The following FOXL2 variants were observed in gnomAD, a reference collection of about 807,000 sequenced individuals.
FOXL2 encodes the protein forkhead box L2, also known as forkhead box protein L2.
Under a neutral mutation model 2.5 loss-of-function variants are expected in FOXL2, and 3 were observed. The observed-to-expected ratio is 1.20, with a 90% confidence interval of 0.55 to 3.11. FOXL2 has a LOEUF of 3.11. FOXL2 is among the 30% of genes most tolerant of loss of function. The probability of loss-of-function intolerance (pLI) is 0.03; values close to 1 mark genes in which losing one functional copy is unlikely to be tolerated. For missense variants in FOXL2, 512 were observed against 570.0 expected (o/e 0.90, Z 1.04); for synonymous variants, 315 against 269.4 (o/e 1.17, Z -1.66).
chr3:138,947,076 C>T lies in FOXL2; in HGVS notation c.-354G>A. ...GCCCCCCGGTTTCCCGAAGCACGAC[C>T]CGCGTCTCTGGCGGAGCTGCCTCCT... On this transcript the variant is annotated 5_prime_UTR_variant, in exon 1 of 1. Transcript: ENST00000648323. The surrounding 1 kb of genome is among the most constrained non-coding windows in gnomAD (Gnocchi z 5.2). 2.5e-6 allele frequency: 1 copy of T among 403,932 alleles called. No homozygotes were observed. Among genetic ancestry groups the T allele is most frequent in the Non-Finnish European group, 4.4e-6 (1 of 224,978 alleles). The allele number at this position is 403,932 out of a possible 1,614,324, so 25.0% of individuals were successfully genotyped here.
rs201782101 is a variant in FOXL2, at chr3:138,944,801, A to AT, written c.*790dup. On this transcript the variant is annotated 3_prime_UTR_variant, in exon 1 of 1. Transcript: ENST00000648323. The stretch of plus-strand genomic sequence containing the variant: ...CAATACTTCCCCGGTTGCCCGGTGA[A>AT]TTTTTTTTCCTTTTTTTTTTTTTAA... The AT allele has an allele frequency of 2.4e-3, 542 of 229,914 alleles. 4 individuals are homozygous for AT. Among genetic ancestry groups the AT allele is most frequent in the African/African-American group, 0.012 (513 of 43,950 alleles). The allele number at this position is 229,914 out of a possible 1,614,324, so 14.2% of individuals were successfully genotyped here. A position where few individuals can be genotyped will look rare whatever the true frequency, so the allele number is the denominator to read the frequency against.
chr3:138,945,670 G>C lies in FOXL2; in HGVS notation c.1053C>G (p.Pro351=). Residue 351 remains proline (P), a synonymous_variant, in exon 1 of 1, where the codon CCC becomes CCG. Transcript: ENST00000648323. ...PGLQFACARQ[P]ELAMMHCSYW... ...AAGAGCAATGCATCATGGCGAGCTC[G>C]GGCTGCCGGGCACAAGCGAACTGCA... The C allele has an allele frequency of 3.1e-6, 5 of 1,588,450 alleles. No individual in the cohort carries two copies. Among genetic ancestry groups the C allele is most frequent in the Non-Finnish European group, 4.3e-6 (5 of 1,163,978 alleles).
Position 138,946,201 on chromosome 3 carries a change from G to A in FOXL2, c.522C>T (p.Gly174=), listed in dbSNP as rs560949046. ...KGLFGAGGAA[G]GCGVAGAGAD... is the part of the protein sequence containing the mutation. ...CCCCGGCGCCCGCCACGCCGCACCC[G>A]CCTGCGGCGCCTCCGGCCCCGAAGA... The change falls in exon 1 of 1, where the codon GGC becomes GGT. Residue 174 remains glycine (G), a synonymous_variant. Transcript: ENST00000648323. 1.3e-3 allele frequency: 1,902 copies of A among 1,507,568 alleles called. 28 individuals carry two copies. In the African/African-American group the frequency reaches 0.025, roughly 20 times the overall value. 93.4% of individuals were successfully genotyped at this position (1,507,568 alleles called of 1,614,324 possible). A position where few individuals can be genotyped will look rare whatever the true frequency, so the allele number is the denominator to read the frequency against.
chr3:138,944,681 C>A lies in FOXL2; in HGVS notation c.*911G>T. ...ACTCTGAACACAGCTTTTTGAAGGC[C>A]CAACAAAAACTCTAACGCAAATCTT... On this transcript the variant is annotated 3_prime_UTR_variant, in exon 1 of 1. Coordinates refer to ENST00000648323, the MANE Select transcript of FOXL2 (RefSeq NM_023067.4). 1 of 233,222 alleles carries A rather than the reference C, an allele frequency of 4.3e-6. No homozygotes were observed. The highest frequency in any genetic ancestry group is 8.5e-6 in the Non-Finnish European group (1 of 118,000). The allele number at this position is 233,222 out of a possible 1,614,324, so 14.4% of individuals were successfully genotyped here. A position where few individuals can be genotyped will look rare whatever the true frequency, so the allele number is the denominator to read the frequency against.
chr3:138,945,724 C>G lies in FOXL2; in HGVS notation c.999G>C (p.Pro333=). 1 of 1,448,364 alleles carries G rather than the reference C, an allele frequency of 6.9e-7. No homozygotes were observed. Among genetic ancestry groups the G allele is most frequent in the Non-Finnish European group, 9.2e-7 (1 of 1,082,318 alleles). The allele number at this position is 1,448,364 out of a possible 1,614,324, so 89.7% of individuals were successfully genotyped here. Residue 333 remains proline (P), a synonymous_variant, in exon 1 of 1, where the codon CCG becomes CCC. Transcript: ENST00000648323. Reference sequence around the variant, plus strand: ...CCGGCGCACTGGTGGGCGCGGGCGCCGGGGGCGCGGCGGTGGCTGGGCTGG... The same window carrying G: ...CCGGCGCACTGGTGGGCGCGGGCGCGGGGGGCGCGGCGGTGGCTGGGCTGG... ...SPASPATAAP[P]APAPTSAPGL...
chr3:138,946,401 G>T lies in FOXL2; in HGVS notation c.322C>A (p.Leu108Ile). ...GGCACCTTGATGAAGCACTCGTTGA[G>T]GCTGAGGTTGTGGCGGATGCTATTT... ...WQNSIRHNLSLNECFIKVPRE... is the reference protein window; with the variant it reads ...WQNSIRHNLSINECFIKVPRE... Residue 108 changes from leucine (L) to isoleucine (I), a missense_variant, in exon 1 of 1, where the codon CTC becomes ATC. By Grantham distance (5) the Leu-to-Ile change is conservative (BLOSUM62 2). This residue lies in a region of FOXL2 where 63 missense variants were observed against 138.9 expected (regional missense o/e 0.45). Transcript: ENST00000648323. 6.2e-7 allele frequency: 1 copy of T among 1,614,172 alleles called. No homozygotes were observed. Among genetic ancestry groups the T allele is most frequent in the Non-Finnish European group, 8.5e-7 (1 of 1,180,018 alleles).
chr3:138,946,132 A>G lies in FOXL2; in HGVS notation c.591T>C (p.Ser197=). 6.7e-7 allele frequency: 1 copy of G among 1,484,076 alleles called. No individual in the cohort carries two copies. The highest frequency in any genetic ancestry group is 8.9e-7 in the Non-Finnish European group (1 of 1,125,204). The allele number at this position is 1,484,076 out of a possible 1,614,324, so 91.9% of individuals were successfully genotyped here. The change falls in exon 1 of 1, where the codon TCT becomes TCC. Residue 197 remains serine, a synonymous_variant. Coordinates refer to ENST00000648323, the MANE Select transcript of FOXL2 (RefSeq NM_023067.4). ...GYLAPPKYLQ[S]GFLNNSWPLP... is the part of the protein sequence containing the mutation. ...GCGGCCACGAGTTGTTGAGGAAGCC[A>G]GACTGCAGGTACTTGGGGGGCGCCA...
Position 138,946,678 on chromosome 3 carries a change from C to T in FOXL2, c.45G>A (p.Leu15=), listed in dbSNP as rs1326909413. ...YPEPEDAAGA[L]LAPETGRTVK... is the part of the protein sequence containing the mutation. The stretch of plus-strand genomic sequence containing the variant: ...CTGTGCGACCGGTCTCTGGGGCCAG[C>T]AGGGCCCCCGCCGCGTCCTCGGGCT... Residue 15 remains leucine, a synonymous_variant, in exon 1 of 1, where the codon CTG becomes CTA. Coordinates refer to ENST00000648323, the MANE Select transcript of FOXL2 (RefSeq NM_023067.4). The T allele has an allele frequency of 6.4e-7, 1 of 1,567,326 alleles. No individual in the cohort carries two copies. The highest frequency in any genetic ancestry group is 1.4e-5 in the African/African-American group (1 of 73,650).
rs544551456 is a variant in FOXL2 at position 138,944,245 on chromosome 3, T to G, written c.*1347A>C. 2.1e-4 allele frequency: 49 copies of G among 232,266 alleles called. No individual in the cohort carries two copies. In the Admixed American group the frequency reaches 2.1e-3, roughly 10 times the overall value. 14.4% of individuals were successfully genotyped at this position (232,266 alleles called of 1,614,324 possible). On this transcript the variant is annotated 3_prime_UTR_variant, in exon 1 of 1. Transcript: ENST00000648323. ...CGTGTTAAAAGAAGGAACACAAAATTTATTCGGGAATCGACAAGGCAAAAA... is the reference window on the plus strand; with the variant it reads ...CGTGTTAAAAGAAGGAACACAAAATGTATTCGGGAATCGACAAGGCAAAAA...
In FOXL2 at chr3:138,946,439, T is replaced by C. The variant is rs2107744772; in HGVS notation, c.284A>G (p.Lys95Arg). 1 of 1,614,178 alleles carries C rather than the reference T, an allele frequency of 6.2e-7. No homozygotes were observed. The highest frequency in any genetic ancestry group is 8.5e-7 in the Non-Finnish European group (1 of 1,180,006). ...IAKFPFYEKN[K>R]KGWQNSIRHN... ...GCGGATGCTATTTTGCCAGCCCTTC[T>C]TATTCTTCTCGTAGAACGGGAACTT... is the stretch of plus-strand genomic sequence containing the variant. The change falls in exon 1 of 1, where the codon AAG (lysine) becomes AGG (arginine). Residue 95 changes from lysine (K) to arginine (R), a missense_variant. By Grantham distance (26) the Lys-to-Arg change is conservative (BLOSUM62 2). Coordinates refer to ENST00000648323, the MANE Select transcript of FOXL2 (RefSeq NM_023067.4).
In FOXL2 at chr3:138,945,943, G is replaced by A; in HGVS notation, c.780C>T (p.Arg260=). The A allele has an allele frequency of 2.2e-6, 3 of 1,394,454 alleles. No homozygotes were observed. Among genetic ancestry groups the A allele is most frequent in the Non-Finnish European group, 2.8e-6 (3 of 1,084,840 alleles). 86.4% of individuals were successfully genotyped at this position (1,394,454 alleles called of 1,614,324 possible). ...CGGGGGGCAGCGCCATGCTCTGCAC[G>A]CGTGTGTACGGCCCGTACGAGGCGG... The part of the protein sequence containing the change: ...GPAASYGPYT[R]VQSMALPPGV... Residue 260 remains arginine (R), a synonymous_variant, in exon 1 of 1, where the codon CGC becomes CGT. Transcript: ENST00000648323.
rs755652331 is a variant in FOXL2, at chr3:138,946,731, C to G, written c.-9G>C. 2 of 1,560,282 alleles carry G rather than the reference C, an allele frequency of 1.3e-6. No individual in the cohort carries two copies. The highest frequency in any genetic ancestry group is 1.7e-6 in the Non-Finnish European group (2 of 1,153,110). On this transcript the variant is annotated 5_prime_UTR_variant, in exon 1 of 1. Transcript: ENST00000648323. ...GGGTAGCTGGCCATCATGACAAAGC[C>G]GGCGCGCCGCGGCCGGGCCGCCTCT...
In FOXL2 at chr3:138,945,505, TGGC is replaced by T; in HGVS notation, c.*84_*86del. On this transcript the variant is annotated 3_prime_UTR_variant, in exon 1 of 1. Coordinates refer to ENST00000648323, the MANE Select transcript of FOXL2 (RefSeq NM_023067.4). ...GGGCCCAGAGGGTGTGAGGTCAGGC[TGGC>T]GGCGGCGTCGTCGGCTGCGACCGGG... 2 of 1,533,236 alleles carry T rather than the reference TGGC, an allele frequency of 1.3e-6. No individual in the cohort carries two copies. The highest frequency in any genetic ancestry group is 1.8e-6 in the Non-Finnish European group (2 of 1,135,836). The allele number at this position is 1,533,236 out of a possible 1,614,324, so 95.0% of individuals were successfully genotyped here. A position where few individuals can be genotyped will look rare whatever the true frequency, so the allele number is the denominator to read the frequency against.
In FOXL2 at chr3:138,946,787, G is replaced by C; in HGVS notation, c.-65C>G. 1 of 1,532,168 alleles carries C rather than the reference G, an allele frequency of 6.5e-7. No individual in the cohort carries two copies. Among genetic ancestry groups the C allele is most frequent in the Non-Finnish European group, 8.8e-7 (1 of 1,140,846 alleles). 94.9% of individuals were successfully genotyped at this position (1,532,168 alleles called of 1,614,324 possible). A position where few individuals can be genotyped will look rare whatever the true frequency, so the allele number is the denominator to read the frequency against. ...CCGCTCCAGGCGCTGGCGCGGCAAA[G>C]AGTTGGGGCGCACGAGTCCGCTTAC... is the stretch of plus-strand genomic sequence containing the variant. On this transcript the variant is annotated 5_prime_UTR_variant, in exon 1 of 1. Coordinates refer to ENST00000648323, the MANE Select transcript of FOXL2 (RefSeq NM_023067.4).
In FOXL2 at chr3:138,945,922, G is replaced by C; in HGVS notation, c.801C>G (p.Pro267=). 1 of 1,346,014 alleles carries C rather than the reference G, an allele frequency of 7.4e-7. No homozygotes were observed. The highest frequency in any genetic ancestry group is 9.5e-7 in the Non-Finnish European group (1 of 1,057,948). The allele number at this position is 1,346,014 out of a possible 1,614,324, so 83.4% of individuals were successfully genotyped here. Residue 267 remains proline, a synonymous_variant, in exon 1 of 1, where the codon CCC becomes CCG. Transcript: ENST00000648323. The stretch of plus-strand genomic sequence containing the variant: ...CATTGTACGAGTTCACTACGCCGGG[G>C]GGCAGCGCCATGCTCTGCACGCGTG... The part of the protein sequence containing the change: ...PYTRVQSMAL[P]PGVVNSYNGL...
At position 138,945,195 on chromosome 3, in the gene FOXL2, C is replaced by G. The variant is rs944503214; in HGVS notation, c.*397G>C. On this transcript the variant is annotated 3_prime_UTR_variant, in exon 1 of 1. Coordinates refer to ENST00000648323, the MANE Select transcript of FOXL2 (RefSeq NM_023067.4). ...GCGGGGAACGCGGAGAGCGAGCGCA[C>G]CGACCTGTGAGAGAAGGCCAAGAGG... is the stretch of plus-strand genomic sequence containing the variant. 14 of 247,760 alleles carry G rather than the reference C, an allele frequency of 5.7e-5. No individual in the cohort carries two copies. Among genetic ancestry groups the G allele is most frequent in the Non-Finnish European group, 8.7e-5 (11 of 126,022 alleles). 15.3% of individuals were successfully genotyped at this position (247,760 alleles called of 1,614,324 possible).
Position 138,945,547 on chromosome 3 carries a change from G to A in FOXL2, c.*45C>T. 2 of 1,578,606 alleles carry A rather than the reference G, an allele frequency of 1.3e-6. No homozygotes were observed. Among genetic ancestry groups the A allele is most frequent in the Non-Finnish European group, 1.7e-6 (2 of 1,156,782 alleles). ...GCTGCGACCGGGGCCGGCGTCGCGCGTCCCTGCATCCTCGCATCCGTCTGC... is the reference window on the plus strand; with the variant it reads ...GCTGCGACCGGGGCCGGCGTCGCGCATCCCTGCATCCTCGCATCCGTCTGC... On this transcript the variant is annotated 3_prime_UTR_variant, in exon 1 of 1. Coordinates refer to ENST00000648323, the MANE Select transcript of FOXL2 (RefSeq NM_023067.4).
Position 138,945,235 on chromosome 3 carries a change from G to GAAT in FOXL2, c.*356_*357insATT. ...AGGCCAAGAGGTCTGCGCTGCCGACGCCCGGTCGCACCTCCGCCCCGGGCC... is the reference window on the plus strand; with the variant it reads ...AGGCCAAGAGGTCTGCGCTGCCGACGAATCCCGGTCGCACCTCCGCCCCGGGCC... On this transcript the variant is annotated 3_prime_UTR_variant, in exon 1 of 1. Coordinates refer to ENST00000648323, the MANE Select transcript of FOXL2 (RefSeq NM_023067.4). 3.9e-6 allele frequency: 1 copy of GAAT among 253,838 alleles called. No individual in the cohort carries two copies. The highest frequency in any genetic ancestry group is 5.0e-5 in the Admixed American group (1 of 20,066). 15.7% of individuals were successfully genotyped at this position (253,838 alleles called of 1,614,324 possible). A position where few individuals can be genotyped will look rare whatever the true frequency, so the allele number is the denominator to read the frequency against.
rs369818928 is a variant in FOXL2, at chr3:138,945,541, T to C, written c.*51A>G. ...TCGTCGGCTGCGACCGGGGCCGGCG[T>C]CGCGCGTCCCTGCATCCTCGCATCC... is the stretch of plus-strand genomic sequence containing the variant. On this transcript the variant is annotated 3_prime_UTR_variant, in exon 1 of 1. Transcript: ENST00000648323. The C allele has an allele frequency of 1.9e-6, 3 of 1,572,962 alleles. No homozygotes were observed. The highest frequency in any genetic ancestry group is 2.6e-6 in the Non-Finnish European group (3 of 1,155,162).
Sources: allele counts gnomAD v4.1 joint callset, GRCh38; gene constraint gnomAD v4.1.1; regional missense constraint gnomAD v4.1.1; non-coding constraint Gnocchi (gnomAD v3.1); transcripts MANE v1.5; gene names NCBI Gene and HGNC (gene_info 2026-07-23, HGNC 2026-07-21).